DDX60: variants seen among roughly 807,000 people sequenced by gnomAD.
The protein encoded by DDX60 is probable ATP-dependent RNA helicase DDX60.
In DDX60, 165 loss-of-function variants were observed where a neutral mutation model predicts 212.8. That is an observed-to-expected ratio of 0.78 (90% CI 0.68 to 0.88). DDX60 has a LOEUF of 0.88. Among genes scored for constraint, DDX60 ranks in the 40% least tolerant of loss-of-function variants. The pLI, the probability that DDX60 is intolerant of heterozygous loss-of-function variation, is 0.00. For synonymous variants in DDX60, 703 were observed against 685.3 expected (o/e 1.03, Z -0.40); for missense variants, 1,905 against 2,003.9 (o/e 0.95, Z 0.94).
In DDX60 at chr4:168,220,561, T is replaced by A. The variant is rs192370515; in HGVS notation, c.5039+94A>T. 337 of 712,412 alleles carry A rather than the reference T, an allele frequency of 4.7e-4. 1 individual carries two copies. In the African/African-American group the frequency reaches 5.6e-3, roughly 12 times the overall value. 44.1% of individuals were successfully genotyped at this position (712,412 alleles called of 1,614,324 possible). A position where few individuals can be genotyped will look rare whatever the true frequency, so the allele number is the denominator to read the frequency against. On this transcript the variant is annotated intron_variant, in intron 37 of 37. Coordinates refer to ENST00000393743, the MANE Select transcript of DDX60 (RefSeq NM_017631.6). ...GCACAGAAGAAGCTTAATGGCACCT[T>A]CATGTACCTGGCTTATAGTAACAGC...
chr4:168,275,192 G>A (rs907364541), intron 16 of DDX60, among the ~76,000 whole-genome samples, 153 bp downstream of exon 16: 2 of 151,960 alleles, frequency 1.3e-5, no homozygotes, highest in African/African-American at 2.4e-5. Context: ...TTTAAATGGG[G>A]AAAAAATAGT....
intron 14 of DDX60, among the ~76,000 whole-genome samples, chr4:168,277,517 A>T (rs1735393481): frequency 6.6e-6 from 1 of 152,136 alleles, no homozygotes; most frequent in Non-Finnish European, 1.5e-5. Context: ...CAGGGATCTG[A>T]GCTAAACTGT....
the DDX60 span, among the ~76,000 whole-genome samples, chr4:168,324,488 A>G: frequency 6.6e-6 from 1 of 152,180 alleles, no homozygotes; most frequent in African/African-American, 2.4e-5. Context: ...ATTTTACAGC[A>G]TTTGTTGGAG....
At chr4:168,297,295 G>GA (rs1256663213) in intron 6 of DDX60, among the ~76,000 whole-genome samples, 6 of 89,626 alleles carry the variant, frequency 6.7e-5, no homozygotes, top group African/African-American at 3.1e-4. Flanking sequence ...GAGAGAGAGA[G>GA]ACGAAAGAAA....
intron 27 of DDX60, 27 bp downstream of exon 27, chr4:168,252,482 G>A (rs2149506031): frequency 6.2e-7 from 1 of 1,611,974 alleles, no homozygotes; most frequent in South Asian, 1.1e-5. Context: ...AAATAGTTTG[G>A]AGAACGATCA....
rs761027497 is a variant in DDX60 at position 168,280,374 on chromosome 4, A to C, written c.1939T>G (p.Cys647Gly). The part of the protein sequence containing the change: ...LQVEMVGLTA[C>G]LKAWKEHCRS... ...CAATGTTCTTTCCAGGCTTTCAAGC[A>C]AGCAGTTAACCCCACCATTTCAACC... Residue 647 changes from cysteine (C) to glycine (G), a missense_variant, in exon 14 of 38, where the codon TGC (cysteine) becomes GGC (glycine). Coordinates refer to ENST00000393743, the MANE Select transcript of DDX60 (RefSeq NM_017631.6). 2 of 1,613,716 alleles carry C rather than the reference A, an allele frequency of 1.2e-6. No homozygotes were observed. Among genetic ancestry groups the C allele is most frequent in the South Asian group, 2.2e-5 (2 of 90,982 alleles).
chr4:168,242,984 G>A (rs371449125), intron 30 of DDX60, among the ~76,000 whole-genome samples: 20 of 152,150 alleles, frequency 1.3e-4, no homozygotes, highest in African/African-American at 4.1e-4. Context: ...TCATGATAAC[G>A]AATAAGTATT....
chr4:168,237,461 CAA>C, intron 31 of DDX60, 34 bp from the exon 32 acceptor site: 2 of 1,517,108 alleles, frequency 1.3e-6, no homozygotes, highest in Non-Finnish European at 1.8e-6. Context: ...TAGTTTGACT[CAA>C]GTCACCACAT....
At chr4:168,238,257 A>AAC (rs1733703409) in intron 30 of DDX60, among the ~76,000 whole-genome samples, 1 of 148,642 alleles carries the variant, frequency 6.7e-6, no homozygotes, top group South Asian at 2.1e-4. Flanking sequence ...AAAAAAAAAA[A>AAC]AACCCAGCAT....
intron 33 of DDX60, among the ~76,000 whole-genome samples, chr4:168,227,327 CTAAA>C (rs1373518958): frequency 6.6e-6 from 1 of 151,416 alleles, no homozygotes; most frequent in African/African-American, 2.4e-5. Flanking sequence ...GCCCATTTGT[CTAAA>C]TAGTCAAATA....
intron 26 of DDX60, among the ~76,000 whole-genome samples, chr4:168,253,933 C>T (rs1734312938): frequency 6.6e-6 from 1 of 152,154 alleles, no homozygotes; most frequent in African/African-American, 2.4e-5. Flanking sequence ...GCACGGAAGA[C>T]AATTCTAAAT....
intron 32 of DDX60, among the ~76,000 whole-genome samples, chr4:168,236,583 A>G (rs2149496151): frequency 6.6e-6 from 1 of 151,988 alleles, no homozygotes; most frequent in African/African-American, 2.4e-5. Context: ...TTAGATCCTA[A>G]TGATCCCACA....
intron 6 of DDX60, among the ~76,000 whole-genome samples, chr4:168,297,297 C>CAAGAAAGAAA (rs1491399857): frequency 1.2e-4 from 8 of 67,474 alleles, no homozygotes; most frequent in Non-Finnish European, 2.0e-4. Context: ...GAGAGAGAGA[C>CAAGAAAGAAA]GAAAGAAAGA....
In DDX60 at chr4:168,251,042, G is replaced by C. The variant is rs758626500; in HGVS notation, c.3770C>G (p.Ala1257Gly). ...GTGATGATATCCAATACCCCTTTCT[G>C]CCAAGGCTTTCAATTCTTCACCTTT... ...ERKGEELKAL[A>G]ERGIGYHHSA... The change falls in exon 28 of 38, where the codon GCA becomes GGA. Residue 1257 changes from alanine to glycine, a missense_variant. Ala to Gly is a moderately conservative substitution (Grantham distance 60). Coordinates refer to ENST00000393743, the MANE Select transcript of DDX60 (RefSeq NM_017631.6). 1 of 1,613,144 alleles carries C rather than the reference G, an allele frequency of 6.2e-7. No individual in the cohort carries two copies. Among genetic ancestry groups the C allele is most frequent in the Admixed American group, 1.7e-5 (1 of 59,980 alleles).
chr4:168,217,608 C>T (rs1026993511), intron 37 of DDX60, among the ~76,000 whole-genome samples: 7 of 151,582 alleles, frequency 4.6e-5, no homozygotes, highest in East Asian at 1.9e-4. Flanking sequence ...ATTAAAGTTG[C>T]GAATCAGCTG....
intron 33 of DDX60, among the ~76,000 whole-genome samples, chr4:168,233,706 T>A (rs72693109): frequency 3.3e-5 from 5 of 152,024 alleles, no homozygotes; most frequent in Admixed American, 2.0e-4. Context: ...TGGGGACCCA[T>A]AGGAAAAGGT....
intron 3 of DDX60, 32 bp from the exon 4 acceptor site, chr4:168,308,227 C>T (rs1246726109): frequency 7.9e-7 from 1 of 1,273,748 alleles, no homozygotes; most frequent in Non-Finnish European, 1.1e-6. Context: ...ACAAAAATCA[C>T]ATATGCATTA....
At chr4:168,243,810 G>A (rs1733931480) in intron 30 of DDX60, among the ~76,000 whole-genome samples, 1 of 147,242 alleles carries the variant, frequency 6.8e-6, no homozygotes, top group South Asian at 2.2e-4. Flanking sequence ...GCATGTGTAT[G>A]TTCACTGCAA....
At chr4:168,267,320 C>T (rs758494242) in intron 22 of DDX60, among the ~76,000 whole-genome samples, 12 of 151,844 alleles carry the variant, frequency 7.9e-5, no homozygotes, top group African/African-American at 1.9e-4. Flanking sequence ...AGAAAACATC[C>T]GAGAATAAAT....
Sources: allele counts gnomAD v4.1 joint callset (sites outside exome capture counted in the v4.1 genomes callset), GRCh38; gene constraint gnomAD v4.1.1; transcripts MANE v1.5; gene names NCBI Gene and HGNC (gene_info 2026-07-23, HGNC 2026-07-21).